MAPRE2: variants seen among roughly 807,000 people sequenced by gnomAD.
MAPRE2 encodes microtubule associated protein RP/EB family member 2.
In MAPRE2, 13 loss-of-function variants were observed where a neutral mutation model predicts 43.2. The ratio of observed to expected loss-of-function variants is 0.30; its 90% CI spans 0.20 to 0.48. The LOEUF (loss-of-function observed/expected upper bound fraction) is 0.48, where lower values mean the gene tolerates loss of function less well. MAPRE2 is among the 20% of genes least tolerant of loss of function. The pLI, the probability that MAPRE2 is intolerant of heterozygous loss-of-function variation, is 0.99. For missense variants in MAPRE2, 161 were observed against 400.2 expected (o/e 0.40, Z 5.10); for synonymous variants, 135 against 148.8 (o/e 0.91, Z 0.68).
At chr18:35,074,492 G>A (rs1364448519) in intron 2 of MAPRE2, among the ~76,000 whole-genome samples, 1 of 152,166 alleles carries the variant, frequency 6.6e-6, no homozygotes, top group East Asian at 1.9e-4. Context: ...GTAGGGTGGA[G>A]TGGGAGAAAG....
At chr18:34,981,883 A>ATTTTTTTTTTTTTTTTTTTTTTTT (rs796076441) in intron 1 of MAPRE2, among the ~76,000 whole-genome samples, 1 of 134,608 alleles carries the variant, frequency 7.4e-6, no homozygotes, top group Non-Finnish European at 1.6e-5. Context: ...TTTTATTTTT[A>ATTTTTTTTTTTTTTTTTTTTTTTT]TTTATTTTTT....
At chr18:35,125,015 C>G (rs1362688478) in intron 4 of MAPRE2, among the ~76,000 whole-genome samples, 2 of 152,196 alleles carry the variant, frequency 1.3e-5, no homozygotes, top group African/African-American at 4.8e-5. Context: ...CACAGATTTA[C>G]CCTGAGAATA....
intron 1 of MAPRE2, among the ~76,000 whole-genome samples, chr18:35,046,450 T>C (rs1278964091): frequency 2.6e-5 from 4 of 152,126 alleles, no homozygotes; most frequent in Non-Finnish European, 1.5e-5. Flanking sequence ...AAACCAGAAA[T>C]TTTGCTGAAA....
intron 4 of MAPRE2, among the ~76,000 whole-genome samples, chr18:35,107,695 A>G (rs1420208473): frequency 2.0e-5 from 3 of 152,106 alleles, no homozygotes; most frequent in African/African-American, 7.2e-5. Flanking sequence ...TTGGTTGTAT[A>G]GTGTTTTAGA....
intron 1 of MAPRE2, among the ~76,000 whole-genome samples, chr18:34,984,190 T>C (rs544282472): frequency 1.3e-5 from 2 of 152,162 alleles, no homozygotes; most frequent in Non-Finnish European, 2.9e-5. Context: ...AGAAAGGATA[T>C]TTGAAAATAA....
Position 35,127,105 on chromosome 18 carries a change from G to T in MAPRE2, c.750+18G>T. The T allele has an allele frequency of 6.2e-7, 1 of 1,613,984 alleles. No homozygotes were observed. The highest frequency in any genetic ancestry group is 2.2e-5 in the East Asian group (1 of 44,882). ...ATGAACAGGTAATGCATCAGCTCTG[G>T]CCACGCCTCTAGGAGCAGTGACGTG... On this transcript the variant is annotated intron_variant, in intron 5 of 6. Transcript: ENST00000300249.
At chr18:35,025,123 A>G (rs1176986485) in intron 2 of MAPRE2, among the ~76,000 whole-genome samples, 1 of 152,208 alleles carries the variant, frequency 6.6e-6, no homozygotes, top group East Asian at 1.9e-4. Context: ...CAGCTGTTTC[A>G]TAACCACTGT....
intron 2 of MAPRE2, among the ~76,000 whole-genome samples, chr18:35,020,958 T>TA (rs1286197610): frequency 2.0e-5 from 3 of 152,154 alleles, no homozygotes; most frequent in Admixed American, 6.5e-5. Context: ...TTTTAACTGA[T>TA]ACAGAATTAG....
intron 1 of MAPRE2, among the ~76,000 whole-genome samples, chr18:34,981,868 T>A (rs111768419): frequency 0.56 from 68,317 of 123,074 alleles, 18,311 homozygotes; most frequent in Non-Finnish European, 0.65. Flanking sequence ...TTATTTATTT[T>A]TTTTTTTTAT....
At chr18:35,060,215 G>A (rs1240422600) in intron 1 of MAPRE2, among the ~76,000 whole-genome samples, 1 of 152,138 alleles carries the variant, frequency 6.6e-6, no homozygotes, top group Admixed American at 6.5e-5. Context: ...AGGGTAAGAG[G>A]GAACGAGGCC....
chr18:35,100,934 G>T (rs933945777), intron 3 of MAPRE2, among the ~76,000 whole-genome samples: 2 of 152,186 alleles, frequency 1.3e-5, no homozygotes, highest in Non-Finnish European at 2.9e-5. Flanking sequence ...AGCTACTCGG[G>T]AGGCTGAAGC....
chr18:35,079,414 A>G (rs190765248), intron 2 of MAPRE2, among the ~76,000 whole-genome samples: 1 of 152,260 alleles, frequency 6.6e-6, no homozygotes, highest in African/African-American at 2.4e-5. Context: ...TACTTCTCCA[A>G]CCCCTTCTTT....
intron 2 of MAPRE2, among the ~76,000 whole-genome samples, chr18:35,019,851 G>T (rs1250797093): frequency 6.6e-6 from 1 of 151,980 alleles, no homozygotes; most frequent in African/African-American, 2.4e-5. Context: ...TGGAATTCCT[G>T]ATTGGATATT....
intron 2 of MAPRE2, 139 bp from the exon 3 acceptor site, chr18:35,097,307 A>T: frequency 1.4e-6 from 1 of 713,340 alleles, no homozygotes; most frequent in Non-Finnish European, 2.4e-6. Context: ...AAGGAGATAT[A>T]AGCGCATTGG....
chr18:35,040,971 G>GTCTGATAC (rs35063926), upstream of MAPRE2, among the ~76,000 whole-genome samples: 1 of 152,220 alleles, frequency 6.6e-6, no homozygotes, highest in Admixed American at 6.5e-5. Flanking sequence ...TTTTCTACAA[G>GTCTGATAC]CTGGCCACCA....
intron 1 of MAPRE2, among the ~76,000 whole-genome samples, chr18:35,044,060 G>A (rs1905498232): frequency 6.6e-6 from 1 of 152,144 alleles, no homozygotes; most frequent in Non-Finnish European, 1.5e-5. Context: ...CTATAGGTTT[G>A]GTATGGCCCT....
intron 2 of MAPRE2, among the ~76,000 whole-genome samples, chr18:35,023,013 ACT>A (rs936120516): frequency 1.4e-4 from 21 of 152,334 alleles, no homozygotes; most frequent in African/African-American, 4.8e-4. Flanking sequence ...CAAAATAGAT[ACT>A]GTGTTGATAA....
chr18:35,064,575 C>T (rs1233939135), intron 1 of MAPRE2, among the ~76,000 whole-genome samples: 3 of 152,116 alleles, frequency 2.0e-5, no homozygotes, highest in African/African-American at 7.2e-5. Context: ...ATTCACAAAC[C>T]TTGCCAAATT....
intron 3 of MAPRE2, among the ~76,000 whole-genome samples, chr18:35,098,553 CAA>C (rs984625937): frequency 6.6e-6 from 1 of 152,094 alleles, no homozygotes; most frequent in Non-Finnish European, 1.5e-5. Flanking sequence ...ATTTTTATTT[CAA>C]AACATACATT....
Sources: gnomAD v4.1 joint callset for allele counts (sites outside exome capture counted in the v4.1 genomes callset) on GRCh38, gnomAD v4.1.1 for gene constraint, MANE v1.5 for transcripts, NCBI Gene and HGNC (gene_info 2026-07-23, HGNC 2026-07-21) for gene names.